CHRD: variants seen among roughly 807,000 people sequenced by gnomAD.
CHRD encodes the protein chordin.
CHRD carries 69 observed loss-of-function variants against 113.7 expected under a neutral mutation model. The ratio of observed to expected loss-of-function variants is 0.61; its 90% CI spans 0.50 to 0.74. The LOEUF (loss-of-function observed/expected upper bound fraction) is 0.74, where lower values mean the gene tolerates loss of function less well. Ranked by LOEUF, CHRD falls within the 30% of genes least tolerant of loss-of-function variation. The pLI, the probability that CHRD is intolerant of heterozygous loss-of-function variation, is 0.00. For missense variants in CHRD, 1,194 were observed against 1,295.8 expected (o/e 0.92, Z 1.21); for synonymous variants, 561 against 540.8 (o/e 1.04, Z -0.52).
In CHRD at chr3:184,380,859, C is replaced by T. The variant is rs885650; in HGVS notation, c.252+64C>T. The T allele has an allele frequency of 0.29, 365,472 of 1,278,232 alleles. 55,516 individuals are homozygous for T. The highest frequency in any genetic ancestry group is 0.4 in the Middle Eastern group (2,069 of 5,232). 79.2% of individuals were successfully genotyped at this position (1,278,232 alleles called of 1,614,324 possible). The stretch of plus-strand genomic sequence containing the variant: ...GGGGAGCGCCGGGTCGCGCGGGCGT[C>T]GGAGTGGACTCGGAGCTGCTGAGAA... On this transcript the variant is annotated intron_variant, in intron 2 of 22. Coordinates refer to ENST00000204604, the Ensembl canonical transcript of CHRD. The surrounding 1 kb of genome is among the most constrained non-coding windows in gnomAD (Gnocchi z 6.3).
At position 184,388,237 on chromosome 3, in the gene CHRD, GTCCA is replaced by G. The variant is rs3064288; in HGVS notation, c.2554+248_2554+251del. On this transcript the variant is annotated intron_variant, in intron 20 of 22. Coordinates refer to ENST00000204604, the Ensembl canonical transcript of CHRD. This position sits in a 1 kb window ranked among gnomAD's most constrained non-coding sequence, Gnocchi z 6.1. ...GTTCTGGTTCCTGCTCCATCCATCC[GTCCA>G]TCCATCCATCCATCCATCCATCCAT... 0.33 allele frequency among the ~76,000 whole-genome samples: 44,893 copies of G among 137,804 alleles called. 7,175 individuals carry two copies. Among genetic ancestry groups the G allele is most frequent in the Middle Eastern group, 0.48 (128 of 268 alleles). The allele number at this position is 137,804 out of a possible 152,430, so 90.4% of individuals were successfully genotyped here.
At position 184,388,532 on chromosome 3, in the gene CHRD, T is replaced by C; in HGVS notation, c.2555-55T>C. The C allele has an allele frequency of 1.3e-6, 2 of 1,554,380 alleles. No homozygotes were observed. Among genetic ancestry groups the C allele is most frequent in the Middle Eastern group, 3.4e-4 (2 of 5,838 alleles). Reference sequence around the variant, plus strand: ...CGTGCTGGGTATTCAAAGAGAATACTCATAAAACCTTGTTGGTCCTCCTGG... The same window carrying C: ...CGTGCTGGGTATTCAAAGAGAATACCCATAAAACCTTGTTGGTCCTCCTGG... On this transcript the variant is annotated intron_variant, in intron 20 of 22. Transcript: ENST00000204604. The surrounding 1 kb of genome is among the most constrained non-coding windows in gnomAD (Gnocchi z 6.1).
At position 184,387,400 on chromosome 3, in the gene CHRD, T is replaced by C; in HGVS notation, c.2374T>C (p.Trp792Arg). 6.2e-6 allele frequency: 10 copies of C among 1,612,960 alleles called. No homozygotes were observed. The highest frequency in any genetic ancestry group is 8.5e-6 in the Non-Finnish European group (10 of 1,179,546). The change falls in exon 19 of 23, where the codon TGG becomes CGG. Residue 792 changes from tryptophan to arginine, a missense_variant. Physicochemically the swap from Trp to Arg is moderately radical, Grantham distance 101 (BLOSUM62 -3). Transcript: ENST00000204604. This position sits in a 1 kb window ranked among gnomAD's most constrained non-coding sequence, Gnocchi z 6.1. Reference sequence around the variant, plus strand: ...CTGCTATTTTGATGGTGACCGGAGCTGGCGGGCAGCGGGTACGCGGTGGCA... The same window carrying C: ...CTGCTATTTTGATGGTGACCGGAGCCGGCGGGCAGCGGGTACGCGGTGGCA...
chr3:184,381,674 G>T lies in CHRD; in HGVS notation c.512-42G>T, dbSNP rs1031063255. The T allele has an allele frequency of 6.2e-7, 1 of 1,606,788 alleles. No individual in the cohort carries two copies. The highest frequency in any genetic ancestry group is 8.5e-7 in the Non-Finnish European group (1 of 1,176,214). ...TTGTGGTTGAGGCTGGGCCACCAAA[G>T]CGGCGTTTGACAGTGCTCAGGCCAT... is the stretch of plus-strand genomic sequence containing the variant. On this transcript the variant is annotated intron_variant, in intron 4 of 22. Transcript: ENST00000204604. This position sits in a 1 kb window ranked among gnomAD's most constrained non-coding sequence, Gnocchi z 4.7.
rs758925353 is a variant in CHRD, at chr3:184,383,172, G to T, written c.1213+9G>T. ...CAGGAAGAGCTGCGACGGTGAGGCGGGGGGGGGGCCTGGTGCGCCGGGCAT... is the reference window on the plus strand; with the variant it reads ...CAGGAAGAGCTGCGACGGTGAGGCGTGGGGGGGGCCTGGTGCGCCGGGCAT... On this transcript the variant is annotated intron_variant, in intron 10 of 22. Transcript: ENST00000204604. 2 of 1,569,808 alleles carry T rather than the reference G, an allele frequency of 1.3e-6. No individual in the cohort carries two copies. Among genetic ancestry groups the T allele is most frequent in the South Asian group, 1.1e-5 (1 of 88,016 alleles).
chr3:184,386,731 G>A (rs1310340807), exon 16 of CHRD: 14 of 1,612,598 alleles, frequency 8.7e-6, no homozygotes, highest in African/African-American at 4.0e-5. Flanking sequence ...ACTACGACCC[G>A]CTCTGCTCAC....
chr3:184,382,311 T>A, intron 6 of CHRD, 78 bp from the exon 7 acceptor site: 1 of 1,588,528 alleles, frequency 6.3e-7, no homozygotes, highest in South Asian at 1.1e-5. Flanking sequence ...TCCTTTTTCA[T>A]AAGCCCTGCC....
In CHRD at chr3:184,380,663, GC is replaced by G. The variant is rs1182042582; in HGVS notation, c.149-28del. ...GGCGGCACACGGCGCGAGCTGGGCA[GC>G]GGCCTCCAGCCAAGCCCGTCCCCGC... is the stretch of plus-strand genomic sequence containing the variant. On this transcript the variant is annotated intron_variant, in intron 1 of 22. Coordinates refer to ENST00000204604, the Ensembl canonical transcript of CHRD. The surrounding 1 kb of genome is among the most constrained non-coding windows in gnomAD (Gnocchi z 6.3). The G allele has an allele frequency of 3.9e-6, 6 of 1,530,560 alleles. No individual in the cohort carries two copies. The highest frequency in any genetic ancestry group is 4.4e-6 in the Non-Finnish European group (5 of 1,143,552). 94.8% of individuals were successfully genotyped at this position (1,530,560 alleles called of 1,614,324 possible).
In CHRD at chr3:184,381,360, C is replaced by G. The variant is rs544184044; in HGVS notation, c.378C>G (p.Pro126=). ...CGGGACACTGCTGCCAGACCTGCCC[C>G]CAGGGTAAGTCTTGCTCCGCCCTGC... Residue 126 remains proline (P), a synonymous_variant, in exon 3 of 23, where the codon CCC becomes CCG. Coordinates refer to ENST00000204604, the Ensembl canonical transcript of CHRD. This position sits in a 1 kb window ranked among gnomAD's most constrained non-coding sequence, Gnocchi z 4.7. The G allele has an allele frequency of 4.4e-6, 7 of 1,593,892 alleles. No individual in the cohort carries two copies. The highest frequency in any genetic ancestry group is 6.0e-6 in the Non-Finnish European group (7 of 1,170,458).
Position 184,381,344 on chromosome 3 carries a change from G to A in CHRD, c.362G>A (p.Cys121Tyr), listed in dbSNP as rs1315078759. The A allele has an allele frequency of 5.6e-6, 9 of 1,600,584 alleles. No homozygotes were observed. The highest frequency in any genetic ancestry group is 1.3e-5 in the African/African-American group (1 of 74,760). ...CAGCCGCGCCAGCTGCCGGGACACT[G>A]CTGCCAGACCTGCCCCCAGGGTAAG... Residue 121 changes from cysteine to tyrosine, a missense_variant, in exon 3 of 23, where the codon TGC becomes TAC. By Grantham distance (194) the Cys-to-Tyr change is radical (BLOSUM62 -2). Transcript: ENST00000204604. The surrounding 1 kb of genome is among the most constrained non-coding windows in gnomAD (Gnocchi z 4.7).
rs201984321 is a variant in CHRD at position 184,381,335 on chromosome 3, C to A, written c.353C>A (p.Pro118Gln). The change falls in exon 3 of 23, where the codon CCG becomes CAG. Residue 118 changes from proline (P) to glutamine (Q), a missense_variant. Physicochemically the swap from Pro to Gln is moderately conservative, Grantham distance 76. Transcript: ENST00000204604. This position sits in a 1 kb window ranked among gnomAD's most constrained non-coding sequence, Gnocchi z 4.7. ...GCCTGTGGGCAGCCGCGCCAGCTGC[C>A]GGGACACTGCTGCCAGACCTGCCCC... is the stretch of plus-strand genomic sequence containing the variant. 2 of 1,603,468 alleles carry A rather than the reference C, an allele frequency of 1.2e-6. No homozygotes were observed. Among genetic ancestry groups the A allele is most frequent in the African/African-American group, 2.7e-5 (2 of 74,796 alleles).
At position 184,386,534 on chromosome 3, in the gene CHRD, G is replaced by T; in HGVS notation, c.1975G>T (p.Glu659Ter). The change falls in exon 16 of 23, where the codon GAG (glutamate) becomes TAG (stop). Residue 659 changes from glutamate to a stop codon, truncating the protein, a stop_gained. Coordinates refer to ENST00000204604, the Ensembl canonical transcript of CHRD. LOFTEE classifies it high-confidence loss of function. Reference sequence around the variant, plus strand: ...ATGTGAGGTTGGCGGACTGCGCCTGGAGGCGGCCGGGGCCGAGGGGGTGCG... The same window carrying T: ...ATGTGAGGTTGGCGGACTGCGCCTGTAGGCGGCCGGGGCCGAGGGGGTGCG... 1 of 1,535,922 alleles carries T rather than the reference G, an allele frequency of 6.5e-7. No individual in the cohort carries two copies. The highest frequency in any genetic ancestry group is 8.7e-7 in the Non-Finnish European group (1 of 1,148,010).
At position 184,382,790 on chromosome 3, in the gene CHRD, G is replaced by A; in HGVS notation, c.982+16G>A. 4.3e-6 allele frequency: 7 copies of A among 1,613,414 alleles called. No homozygotes were observed. Among genetic ancestry groups the A allele is most frequent in the Non-Finnish European group, 5.9e-6 (7 of 1,179,716 alleles). ...AGGAGTGGGGGTAAGTGGGATGGGG[G>A]CAAAACACGTGAGAAGGTTAGGGAG... On this transcript the variant is annotated intron_variant, in intron 8 of 22. Transcript: ENST00000204604.
chr3:184,387,500 G>T lies in CHRD; in HGVS notation c.2451+23G>T. 6.3e-7 allele frequency: 1 copy of T among 1,584,904 alleles called. No individual in the cohort carries two copies. Among genetic ancestry groups the T allele is most frequent in the Non-Finnish European group, 8.6e-7 (1 of 1,166,206 alleles). On this transcript the variant is annotated intron_variant, in intron 19 of 22. Transcript: ENST00000204604. The surrounding 1 kb of genome is among the most constrained non-coding windows in gnomAD (Gnocchi z 6.1). ...AAGGTATGGCCACCCAATCTTCTCT[G>T]GTGCCATAACCCAGCGGGGTCTGCA...
At chr3:184,382,325 G>C in intron 6 of CHRD, 64 bp from the exon 7 acceptor site, 1 of 1,597,784 alleles carries the variant, frequency 6.3e-7, no homozygotes, top group Non-Finnish European at 8.6e-7. Context: ...CCCTGCCTGG[G>C]CATCCTAATT....
chr3:184,387,305 C>T lies in CHRD; in HGVS notation c.2348-69C>T. 1.3e-6 allele frequency: 2 copies of T among 1,532,732 alleles called. No homozygotes were observed. Among genetic ancestry groups the T allele is most frequent in the Non-Finnish European group, 1.8e-6 (2 of 1,131,988 alleles). The allele number at this position is 1,532,732 out of a possible 1,614,324, so 94.9% of individuals were successfully genotyped here. The stretch of plus-strand genomic sequence containing the variant: ...AGGCTCGTGTGGGGGTGGCCTGAGG[C>T]TCAAGCCTTGGTTGTGGGCCCAGCT... On this transcript the variant is annotated intron_variant, in intron 18 of 22. Transcript: ENST00000204604. The surrounding 1 kb of genome is among the most constrained non-coding windows in gnomAD (Gnocchi z 6.1).
exon 16 of CHRD, chr3:184,386,684 G>T (rs1716357978): frequency 6.2e-7 from 1 of 1,612,474 alleles, no homozygotes. Context: ...CTTCTTCGAG[G>T]GGCAGCAGCG....
At position 184,382,269 on chromosome 3, in the gene CHRD, T is replaced by C. The variant is rs1715557653; in HGVS notation, c.700-120T>C. 1.9e-5 allele frequency: 28 copies of C among 1,510,998 alleles called. No homozygotes were observed. The South Asian group carries it at 3.5e-4, about 19-fold the overall frequency. The allele number at this position is 1,510,998 out of a possible 1,614,324, so 93.6% of individuals were successfully genotyped here. A position where few individuals can be genotyped will look rare whatever the true frequency, so the allele number is the denominator to read the frequency against. On this transcript the variant is annotated intron_variant, in intron 6 of 22. Transcript: ENST00000204604. ...TGGCTCCAGCGTTCTTTCTTAAGCT[T>C]CCTAGGGCACCCTGGAGGTTCCTTT...
rs1190812866 is a variant in CHRD, at chr3:184,380,100, T to A, written c.-219T>A. On this transcript the variant is annotated 5_prime_UTR_variant, in exon 1 of 23. Transcript: ENST00000204604. The surrounding 1 kb of genome is among the most constrained non-coding windows in gnomAD (Gnocchi z 6.3). Reference sequence around the variant, plus strand: ...CGGGTCAGCGCCCGCCCGCCCGCGCTCCTCCCGGCCGCTCCTCCCGCCCCG... The same window carrying A: ...CGGGTCAGCGCCCGCCCGCCCGCGCACCTCCCGGCCGCTCCTCCCGCCCCG... 1 of 106,942 alleles carries A rather than the reference T, an allele frequency of 9.4e-6. No individual in the cohort carries two copies. Among genetic ancestry groups the A allele is most frequent in the African/African-American group, 3.7e-5 (1 of 27,366 alleles). The allele number at this position is 106,942 out of a possible 1,614,324, so 6.6% of individuals were successfully genotyped here.
Sources: gnomAD v4.1 joint callset for allele counts (sites outside exome capture counted in the v4.1 genomes callset) on GRCh38, gnomAD v4.1.1 for gene constraint, Gnocchi (gnomAD v3.1) non-coding constraint, MANE v1.5 for transcripts, NCBI Gene and HGNC (gene_info 2026-07-23, HGNC 2026-07-21) for gene names.